Variants in RPS6KC1 observed in about 807,000 individuals in gnomAD.
The protein encoded by RPS6KC1 is ribosomal protein S6 kinase C1.
A neutral mutation model predicts 103.8 loss-of-function variants in RPS6KC1; 54 were observed. The observed-to-expected ratio is 0.52, with a 90% CI of 0.42 to 0.65. The LOEUF is 0.65. RPS6KC1 is among the 30% of genes least tolerant of loss of function. The probability of loss-of-function intolerance (pLI) is 0.00; values close to 1 mark genes in which losing one functional copy is unlikely to be tolerated. For missense variants in RPS6KC1, 1,151 were observed against 1,253.8 expected (o/e 0.92, Z 1.24); for synonymous variants, 439 against 438.7 (o/e 1.00, Z -0.01).
At chr1:213,235,603 G>T (rs1437534125) in intron 10 of RPS6KC1, among the ~76,000 whole-genome samples, 1 of 152,068 alleles carries the variant, frequency 6.6e-6, no homozygotes, top group South Asian at 2.1e-4. Context: ...AAACAAATAG[G>T]TCCACAGGCT....
chr1:213,560,771 T>C, the RPS6KC1 span, among the ~76,000 whole-genome samples: 1 of 152,140 alleles, frequency 6.6e-6, no homozygotes, highest in South Asian at 2.1e-4. Flanking sequence ...ACGAGGATGA[T>C]GTAAAGGGCC....
intron 14 of RPS6KC1, among the ~76,000 whole-genome samples, chr1:213,268,114 C>A (rs1306318817): frequency 1.3e-5 from 2 of 151,940 alleles, no homozygotes; most frequent in Admixed American, 6.6e-5. Context: ...GAGGTCTACA[C>A]TGCAACATAT....
the RPS6KC1 span, among the ~76,000 whole-genome samples, chr1:213,324,016 CT>C: frequency 6.6e-6 from 1 of 152,166 alleles, no homozygotes; most frequent in African/African-American, 2.4e-5. Flanking sequence ...TTTTTACTAA[CT>C]TTATCTGTTT....
chr1:213,331,807 C>T, the RPS6KC1 span, among the ~76,000 whole-genome samples: 3 of 152,130 alleles, frequency 2.0e-5, no homozygotes, highest in Non-Finnish European at 4.4e-5. Context: ...TCTGAAGACT[C>T]CTGAGGAACT....
chr1:213,487,876 T>C, the RPS6KC1 span, among the ~76,000 whole-genome samples: 2 of 152,368 alleles, frequency 1.3e-5, no homozygotes, highest in East Asian at 3.9e-4. Context: ...CTACACATGC[T>C]TGCCTTCTCT....
the RPS6KC1 span, among the ~76,000 whole-genome samples, chr1:213,476,060 TGG>T: frequency 6.6e-6 from 1 of 152,082 alleles, no homozygotes; most frequent in Non-Finnish European, 1.5e-5. Context: ...CTGGTGTGAC[TGG>T]TGTGACTGGT....
the RPS6KC1 span, among the ~76,000 whole-genome samples, chr1:213,428,245 A>G: frequency 6.6e-6 from 1 of 152,218 alleles, no homozygotes; most frequent in Non-Finnish European, 1.5e-5. Flanking sequence ...CTCTCATTTT[A>G]GCTCCAAATG....
At chr1:213,490,001 T>C in the RPS6KC1 span, among the ~76,000 whole-genome samples, 1 of 151,946 alleles carries the variant, frequency 6.6e-6, no homozygotes. Flanking sequence ...AGGATAAGAG[T>C]TCTGGAAATG....
intron 8 of RPS6KC1, among the ~76,000 whole-genome samples, chr1:213,216,140 A>T (rs6419470): frequency 6.6e-6 from 1 of 151,944 alleles, no homozygotes; most frequent in Non-Finnish European, 1.5e-5. Flanking sequence ...CCCATCTCAC[A>T]TGCAGAGACA....
chr1:213,076,034 T>G (rs1389404173), intron 2 of RPS6KC1, among the ~76,000 whole-genome samples: 1 of 152,212 alleles, frequency 6.6e-6, no homozygotes, highest in African/African-American at 2.4e-5. Flanking sequence ...GTTGGCTTAT[T>G]CTTCCTAACT....
At chr1:213,840,724 C>T in the RPS6KC1 span, 1 of 152,112 alleles carries the variant, frequency 6.6e-6, no homozygotes, top group South Asian at 2.1e-4. Flanking sequence ...AAAAAAAAAT[C>T]TCCCCTGAGT....
chr1:213,290,038 C>T, the RPS6KC1 span, among the ~76,000 whole-genome samples: 1 of 150,416 alleles, frequency 6.6e-6, no homozygotes, highest in Non-Finnish European at 1.5e-5. Flanking sequence ...GACTCAGTCT[C>T]CAAGGCTGAG....
chr1:213,374,493 C>A, the RPS6KC1 span, among the ~76,000 whole-genome samples: 2 of 151,670 alleles, frequency 1.3e-5, no homozygotes, highest in African/African-American at 4.9e-5. Context: ...CTAGGGGGTG[C>A]GCCAGCCAAG....
chr1:213,365,931 T>G, the RPS6KC1 span, among the ~76,000 whole-genome samples: 1 of 152,208 alleles, frequency 6.6e-6, no homozygotes, highest in Admixed American at 6.5e-5. Context: ...TGTAAACAGG[T>G]GGCAGGCCAG....
the RPS6KC1 span, among the ~76,000 whole-genome samples, chr1:213,636,713 T>A: frequency 6.6e-6 from 1 of 151,676 alleles, no homozygotes; most frequent in African/African-American, 2.4e-5. Flanking sequence ...GGGCAAGAAC[T>A]TCATGACTAA....
the RPS6KC1 span, among the ~76,000 whole-genome samples, chr1:213,455,299 G>A: frequency 6.6e-6 from 1 of 152,076 alleles, no homozygotes; most frequent in Admixed American, 6.5e-5. Flanking sequence ...AGTGGAAATA[G>A]GATAAGTCAA....
the RPS6KC1 span, among the ~76,000 whole-genome samples, chr1:213,798,388 C>A: frequency 1.3e-5 from 2 of 152,188 alleles, no homozygotes; most frequent in African/African-American, 4.8e-5. Flanking sequence ...TCCCCATCTG[C>A]TTGGTCTGTA....
At chr1:213,141,848 T>C (rs567863671) in intron 6 of RPS6KC1, among the ~76,000 whole-genome samples, 4 of 151,890 alleles carry the variant, frequency 2.6e-5, no homozygotes, top group Admixed American at 1.3e-4. Context: ...TTTTCATTAG[T>C]TTTGTTGGGT....
the RPS6KC1 span, among the ~76,000 whole-genome samples, chr1:213,838,224 T>C: frequency 2.0e-5 from 3 of 152,218 alleles, no homozygotes; most frequent in Admixed American, 6.5e-5. Context: ...CCTATATTTT[T>C]CCTTGAGAAT....
Sources: gnomAD v4.1 joint callset for allele counts (sites outside exome capture counted in the v4.1 genomes callset) on GRCh38, gnomAD v4.1.1 for gene constraint, MANE v1.5 for transcripts, NCBI Gene and HGNC (gene_info 2026-07-23, HGNC 2026-07-21) for gene names.